CCSER1: variants seen among roughly 807,000 people sequenced by gnomAD.
CCSER1 encodes the protein coiled-coil serine rich protein 1.
A neutral mutation model predicts 82.0 loss-of-function variants in CCSER1; 41 were observed. That is an observed-to-expected ratio of 0.50 (90% CI 0.39 to 0.65). The LOEUF (loss-of-function observed/expected upper bound fraction) is 0.65. Ranked by LOEUF, CCSER1 falls within the 30% of genes least tolerant of loss-of-function variation. The pLI is 0.00. For synonymous variants in CCSER1, 414 were observed against 383.9 expected, an observed-to-expected ratio of 1.08 and a Z score of -0.92; for missense variants, 1,119 against 1,064.2, an observed-to-expected ratio of 1.05 and a Z score of -0.72.
At chr4:91,594,846 T>C (rs368924714) in intron 10 of CCSER1, among the ~76,000 whole-genome samples, 3 of 152,222 alleles carry the variant, frequency 2.0e-5, no homozygotes, top group South Asian at 2.1e-4. Flanking sequence ...GTGTTCTTTC[T>C]ATTAGCTCAA....
chr4:91,323,001 A>G (rs1040745600), intron 10 of CCSER1, among the ~76,000 whole-genome samples: 1 of 152,204 alleles, frequency 6.6e-6, no homozygotes, highest in Non-Finnish European at 1.5e-5. Context: ...AGATACAGTA[A>G]GATCTGCTGA....
intron 1 of CCSER1, among the ~76,000 whole-genome samples, chr4:90,236,173 C>G (rs1387360639): frequency 4.6e-5 from 7 of 152,248 alleles, no homozygotes; most frequent in Non-Finnish European, 4.4e-5. Flanking sequence ...AAGCAGTCCT[C>G]CCGCTGTGGC....
At position 91,096,561 on chromosome 4, in the gene CCSER1, A is replaced by G. The variant is rs144671649; in HGVS notation, c.2217+10567A>G. ...CCTGGCTTGCCAGTTACTTTATGCCATACCTTTGAAACCAGAGACCTGTCC... is the reference window on the plus strand; with the variant it reads ...CCTGGCTTGCCAGTTACTTTATGCCGTACCTTTGAAACCAGAGACCTGTCC... On this transcript the variant is annotated intron_variant, in intron 10 of 10. Coordinates refer to ENST00000509176, the MANE Select transcript of CCSER1 (RefSeq NM_001145065.2). 7.5e-4 allele frequency among the ~76,000 whole-genome samples: 114 copies of G among 152,310 alleles called. 1 individual carries two copies. The highest frequency in any genetic ancestry group is 1.4e-3 in the Non-Finnish European group (93 of 68,010).
At chr4:91,520,108 C>A in intron 10 of CCSER1, among the ~76,000 whole-genome samples, 1 of 152,038 alleles carries the variant, frequency 6.6e-6, no homozygotes. Flanking sequence ...CCATTACTAC[C>A]TTATTCTGTG....
chr4:90,785,188 C>A lies in CCSER1; in HGVS notation c.2011-30574C>A, dbSNP rs115143266. On this transcript the variant is annotated intron_variant, in intron 7 of 10. Coordinates refer to ENST00000509176, the MANE Select transcript of CCSER1 (RefSeq NM_001145065.2). ...AGTATATGGGACTGCAGGGATGTAC[C>A]ACCATGCCCAGCTAATTTTTGTATT... is the stretch of plus-strand genomic sequence containing the variant. Among the ~76,000 whole-genome samples the A allele has an allele frequency of 7.6e-3, 1,151 of 152,216 alleles. 12 individuals carry two copies. Among genetic ancestry groups the A allele is most frequent in the African/African-American group, 0.021 (866 of 41,528 alleles).
intron 4 of CCSER1, among the ~76,000 whole-genome samples, chr4:90,405,433 G>T (rs529219041): frequency 2.0e-5 from 3 of 152,122 alleles, no homozygotes; most frequent in African/African-American, 7.2e-5. Context: ...TTTGGAAAAC[G>T]TATTTGATGG....
At chr4:90,799,246 T>C (rs1382501510) in intron 7 of CCSER1, among the ~76,000 whole-genome samples, 2 of 152,146 alleles carry the variant, frequency 1.3e-5, no homozygotes, top group Non-Finnish European at 2.9e-5. Flanking sequence ...TGCTGTTCAC[T>C]GTGCAGTATT....
Position 90,127,536 on chromosome 4 carries a change from A to G in CCSER1, c.-337A>G, listed in dbSNP as rs928190844. On this transcript the variant is annotated 5_prime_UTR_variant, in exon 1 of 11. Transcript: ENST00000509176. ...CTCTGCTCTTCTCTCCCTCACCACA[A>G]ATAGTCGCCGACCTACTGCCAATCC... 1 of 152,760 alleles carries G rather than the reference A, an allele frequency of 6.5e-6. No homozygotes were observed. Among genetic ancestry groups the G allele is most frequent in the African/African-American group, 2.4e-5 (1 of 41,348 alleles). The allele number at this position is 152,760 out of a possible 1,614,324, so 9.5% of individuals were successfully genotyped here. A position where few individuals can be genotyped will look rare whatever the true frequency, so the allele number is the denominator to read the frequency against.
At chr4:90,222,303 C>T (rs936971056) in intron 1 of CCSER1, among the ~76,000 whole-genome samples, 6 of 152,138 alleles carry the variant, frequency 3.9e-5, no homozygotes, top group African/African-American at 1.4e-4. Flanking sequence ...CTATCCATTC[C>T]TATCTTTTGT....
At chr4:91,329,771 A>T (rs2149274913) in intron 10 of CCSER1, among the ~76,000 whole-genome samples, 1 of 152,182 alleles carries the variant, frequency 6.6e-6, no homozygotes, top group African/African-American at 2.4e-5. Context: ...AACTTTAAAT[A>T]TTTCTTATGT....
intron 7 of CCSER1, among the ~76,000 whole-genome samples, chr4:90,779,467 T>C (rs542689915): frequency 1.4e-4 from 22 of 152,368 alleles, no homozygotes; most frequent in African/African-American, 5.3e-4. Context: ...CACCATTTTA[T>C]GTGCTGCTGC....
At chr4:90,560,964 G>T (rs1055871262) in intron 5 of CCSER1, among the ~76,000 whole-genome samples, 3 of 152,082 alleles carry the variant, frequency 2.0e-5, no homozygotes, top group African/African-American at 4.8e-5. Context: ...ACCAGGAATT[G>T]GTCAGTTTTC....
At chr4:90,332,485 C>G (rs1448304818) in intron 3 of CCSER1, among the ~76,000 whole-genome samples, 1 of 152,096 alleles carries the variant, frequency 6.6e-6, no homozygotes, top group Admixed American at 6.5e-5. Context: ...ATCCACCTGC[C>G]TTGGCCCTCC....
intron 5 of CCSER1, among the ~76,000 whole-genome samples, chr4:90,526,173 GA>G: frequency 6.6e-6 from 1 of 152,142 alleles, no homozygotes; most frequent in Admixed American, 6.6e-5. Flanking sequence ...ATGCTGCTTT[GA>G]ACCTTCTCAG....
chr4:91,458,441 G>T (rs1239518984), intron 10 of CCSER1, among the ~76,000 whole-genome samples: 1 of 152,060 alleles, frequency 6.6e-6, no homozygotes. Flanking sequence ...AGTATATTTT[G>T]AAGTCAGGTA....
chr4:90,556,848 A>G (rs946199764), intron 5 of CCSER1, among the ~76,000 whole-genome samples: 1 of 143,706 alleles, frequency 7.0e-6, no homozygotes, highest in Admixed American at 6.9e-5. Context: ...CTGTATATCT[A>G]TATGTGTATA....
chr4:90,641,337 C>G (rs1184137674), intron 6 of CCSER1, among the ~76,000 whole-genome samples: 1 of 152,000 alleles, frequency 6.6e-6, no homozygotes, highest in Non-Finnish European at 1.5e-5. Context: ...TAAGAAGATG[C>G]TAAACACCGT....
At chr4:90,751,541 G>T (rs1748667618) in intron 7 of CCSER1, among the ~76,000 whole-genome samples, 1 of 152,024 alleles carries the variant, frequency 6.6e-6, no homozygotes, top group Non-Finnish European at 1.5e-5. Context: ...AGTGATTTAA[G>T]AAACCAATGA....
At chr4:91,209,596 C>T (rs1736629726) in intron 10 of CCSER1, among the ~76,000 whole-genome samples, 1 of 151,880 alleles carries the variant, frequency 6.6e-6, no homozygotes, top group Non-Finnish European at 1.5e-5. Context: ...TTTTGATGTG[C>T]AGCTGGATTT....
Sources: gnomAD v4.1 joint callset for allele counts (sites outside exome capture counted in the v4.1 genomes callset) on GRCh38, gnomAD v4.1.1 for gene constraint, MANE v1.5 for transcripts, NCBI Gene and HGNC (gene_info 2026-07-23, HGNC 2026-07-21) for gene names.